Variants in FGF7 observed in about 807,000 individuals in gnomAD.
FGF7 encodes the protein fibroblast growth factor 7, also known as FGF-7.
A neutral mutation model predicts 20.5 loss-of-function variants in FGF7; 6 were observed. The observed-to-expected ratio is 0.29, with a 90% CI of 0.16 to 0.58. FGF7 has a LOEUF of 0.58. FGF7 is among the 20% of genes least tolerant of loss of function. The pLI is 0.90. For synonymous variants in FGF7, 64 were observed against 74.7 expected, an observed-to-expected ratio of 0.86 and a Z score of 0.74; for missense variants, 144 against 228.8, an observed-to-expected ratio of 0.63 and a Z score of 2.39.
chr15:49,468,859 A>G (rs915699879), intron 2 of FGF7, among the ~76,000 whole-genome samples: 1 of 152,198 alleles, frequency 6.6e-6, no homozygotes, highest in Non-Finnish European at 1.5e-5. Flanking sequence ...ACTCTGCTTA[A>G]CTGATGGAAC....
intron 2 of FGF7, among the ~76,000 whole-genome samples, chr15:49,439,308 G>C (rs545179734): frequency 3.8e-4 from 58 of 151,730 alleles, no homozygotes; most frequent in African/African-American, 1.4e-3. Flanking sequence ...GGGAGAAAGA[G>C]AGAGAGAAAG....
rs946905652 is a variant in FGF7 at position 49,488,768 on chromosome 15, G to A, written c.*4264G>A. On this transcript the variant is annotated 3_prime_UTR_variant, in exon 4 of 4. Transcript: ENST00000267843. ...GTAACAAATTAAAACTTAATGGCTT[G>A]AAACAAATATTTGTTTTCTCATAGT... 6.6e-6 allele frequency: 1 copy of A among 151,998 alleles called. No homozygotes were observed. The highest frequency in any genetic ancestry group is 1.5e-5 in the Non-Finnish European group (1 of 67,962). 9.4% of individuals were successfully genotyped at this position (151,998 alleles called of 1,614,324 possible).
At chr15:49,434,278 G>T (rs1164146756) in intron 2 of FGF7, 1 of 151,248 alleles carries the variant, frequency 6.6e-6, no homozygotes, top group Non-Finnish European at 1.5e-5. Context: ...AATTTTAAAG[G>T]TTAATGACTT....
chr15:49,446,205 TTTAAG>T (rs1194855898), intron 2 of FGF7, among the ~76,000 whole-genome samples: 1 of 151,602 alleles, frequency 6.6e-6, no homozygotes. Context: ...CTTTTTTCTT[TTTAAG>T]TTAAGAGCCA....
intron 2 of FGF7, among the ~76,000 whole-genome samples, chr15:49,463,518 T>G (rs1472527495): frequency 7.1e-6 from 1 of 141,816 alleles, no homozygotes; most frequent in Non-Finnish European, 1.5e-5. Context: ...GCCACTGCAC[T>G]CCAGCCTAGG....
intron 2 of FGF7, among the ~76,000 whole-genome samples, chr15:49,440,217 T>C (rs16962457): frequency 0.017 from 2,618 of 151,912 alleles, 94 homozygotes; most frequent in African/African-American, 0.06. Context: ...GCATTATTAC[T>C]GTGGTTTGTA....
At chr15:49,428,826 G>A (rs914068866) in intron 2 of FGF7, among the ~76,000 whole-genome samples, 2 of 151,978 alleles carry the variant, frequency 1.3e-5, no homozygotes, top group Non-Finnish European at 2.9e-5. Flanking sequence ...CAAGAAAAGG[G>A]TTAGCCATTC....
At chr15:49,467,761 A>G (rs892961762) in intron 2 of FGF7, among the ~76,000 whole-genome samples, 6 of 152,168 alleles carry the variant, frequency 3.9e-5, no homozygotes, top group African/African-American at 4.8e-5. Flanking sequence ...GAGTAAACAA[A>G]GAGTATTTCC....
chr15:49,476,232 G>GTTTTTTTTTTTT lies in FGF7; in HGVS notation c.287-6917_287-6906dup. 2.9e-3 allele frequency among the ~76,000 whole-genome samples: 166 copies of GTTTTTTTTTTTT among 57,320 alleles called. 17 individuals carry two copies. Among genetic ancestry groups the GTTTTTTTTTTTT allele is most frequent in the Non-Finnish European group, 3.5e-3 (95 of 27,418 alleles). The allele number at this position is 57,320 out of a possible 152,430, so 37.6% of individuals were successfully genotyped here. A position where few individuals can be genotyped will look rare whatever the true frequency, so the allele number is the denominator to read the frequency against. Reference sequence around the variant, plus strand: ...TTGCTGTTTTGTTTTTTTGTTTTTGGTTTTTTTTTTTTTGCATTTGGCATA... The same window carrying GTTTTTTTTTTTT: ...TTGCTGTTTTGTTTTTTTGTTTTTGGTTTTTTTTTTTTTTTTTTTTTTTTTGCATTTGGCATA... On this transcript the variant is annotated intron_variant, in intron 2 of 3. Transcript: ENST00000267843.
intron 2 of FGF7, among the ~76,000 whole-genome samples, chr15:49,480,578 T>C (rs1597468771): frequency 1.4e-5 from 2 of 147,646 alleles, no homozygotes; most frequent in Admixed American, 7.1e-5. Flanking sequence ...GCCTTCTGGG[T>C]TCATGCAATT....
chr15:49,464,887 A>G (rs564043046), intron 2 of FGF7, among the ~76,000 whole-genome samples: 2 of 152,332 alleles, frequency 1.3e-5, no homozygotes, highest in African/African-American at 2.4e-5. Flanking sequence ...GAATAAATGA[A>G]TAACGTAAGA....
rs1267022210 is a variant in FGF7, at chr15:49,488,039, A to G, written c.*3535A>G. The G allele has an allele frequency of 6.6e-6, 1 of 151,990 alleles. No individual in the cohort carries two copies. The highest frequency in any genetic ancestry group is 1.5e-5 in the Non-Finnish European group (1 of 67,930). The allele number at this position is 151,990 out of a possible 1,614,324, so 9.4% of individuals were successfully genotyped here. On this transcript the variant is annotated 3_prime_UTR_variant, in exon 4 of 4. Transcript: ENST00000267843. ...ACCACGCATAGGAGTGATAACAAAAATATTTAACAGTCAGTATGGGTGATT... is the reference window on the plus strand; with the variant it reads ...ACCACGCATAGGAGTGATAACAAAAGTATTTAACAGTCAGTATGGGTGATT...
chr15:49,453,908 G>T (rs11070693), intron 2 of FGF7, among the ~76,000 whole-genome samples: 1 of 151,928 alleles, frequency 6.6e-6, no homozygotes, highest in Non-Finnish European at 1.5e-5. Context: ...TGGAAGCCTT[G>T]CATTCCTCCA....
chr15:49,470,606 T>C (rs1423268615), intron 2 of FGF7, among the ~76,000 whole-genome samples: 1 of 152,224 alleles, frequency 6.6e-6, no homozygotes, highest in Non-Finnish European at 1.5e-5. Flanking sequence ...TGAAATGATA[T>C]TTGACTTCTC....
chr15:49,475,627 A>T (rs1364055602), intron 2 of FGF7, among the ~76,000 whole-genome samples: 1 of 152,162 alleles, frequency 6.6e-6, no homozygotes, highest in Non-Finnish European at 1.5e-5. Context: ...TTTTCATAAC[A>T]TCTAAAAACA....
At chr15:49,471,009 A>G (rs575063679) in intron 2 of FGF7, among the ~76,000 whole-genome samples, 1 of 152,372 alleles carries the variant, frequency 6.6e-6, no homozygotes, top group South Asian at 2.1e-4. Context: ...CAATTCATGT[A>G]TAATATAAAC....
chr15:49,465,955 G>T (rs975083766), intron 2 of FGF7, among the ~76,000 whole-genome samples: 2 of 152,164 alleles, frequency 1.3e-5, no homozygotes, highest in Non-Finnish European at 2.9e-5. Context: ...AGTACTGGGG[G>T]TTAGCTGAAG....
chr15:49,452,085 A>C (rs2052805951), intron 2 of FGF7, among the ~76,000 whole-genome samples: 1 of 151,928 alleles, frequency 6.6e-6, no homozygotes, highest in Non-Finnish European at 1.5e-5. Flanking sequence ...TCTGTTGCCC[A>C]GGCTGGAGTG....
chr15:49,431,313 A>G (rs2050596277), intron 2 of FGF7, among the ~76,000 whole-genome samples: 1 of 151,844 alleles, frequency 6.6e-6, no homozygotes, highest in Non-Finnish European at 1.5e-5. Flanking sequence ...CAAGTTTTTT[A>G]TCTGCATTTG....
Sources: allele counts gnomAD v4.1 joint callset (sites outside exome capture counted in the v4.1 genomes callset), GRCh38; gene constraint gnomAD v4.1.1; transcripts MANE v1.5; gene names NCBI Gene and HGNC (gene_info 2026-07-23, HGNC 2026-07-21).